TSPAN18: variants seen among roughly 807,000 people sequenced by gnomAD.
TSPAN18 encodes the protein tetraspanin 18, also known as tetraspanin-18.
TSPAN18 carries 14 observed loss-of-function variants against 27.3 expected under a neutral mutation model. The ratio of observed to expected loss-of-function variants is 0.51; its 90% CI spans 0.34 to 0.80. The LOEUF (loss-of-function observed/expected upper bound fraction) is 0.80, where lower values mean the gene tolerates loss of function less well. Ranked by LOEUF, TSPAN18 falls within the 30% of genes least tolerant of loss-of-function variation. The pLI, the probability that TSPAN18 is intolerant of heterozygous loss-of-function variation, is 0.01. For missense variants in TSPAN18, 268 were observed against 323.9 expected, an observed-to-expected ratio of 0.83 and a Z score of 1.32; for synonymous variants, 143 against 136.5, an observed-to-expected ratio of 1.05 and a Z score of -0.33.
intron 1 of TSPAN18, among the ~76,000 whole-genome samples, chr11:44,758,143 G>A (rs987343415): frequency 6.6e-6 from 1 of 152,164 alleles, no homozygotes; most frequent in African/African-American, 2.4e-5. Context: ...TAGAAGAAAA[G>A]CTTTCAGTCT....
intron 2 of TSPAN18, among the ~76,000 whole-genome samples, chr11:44,831,649 A>G (rs1016564619): frequency 6.6e-6 from 1 of 152,118 alleles, no homozygotes; most frequent in Non-Finnish European, 1.5e-5. Flanking sequence ...TTTATTCACA[A>G]ATCTAGGTTG....
chr11:44,908,744 A>AAG (rs56785088), intron 4 of TSPAN18, among the ~76,000 whole-genome samples: 1,061 of 90,522 alleles, frequency 0.012, 128 homozygotes, highest in Non-Finnish European at 0.016. Flanking sequence ...AAAAGAAAGA[A>AAG]AGAGAGAGAG....
At position 44,748,687 on chromosome 11, in the gene TSPAN18, C is replaced by T. The variant is rs542814431; in HGVS notation, c.-239-15739C>T. Among the ~76,000 whole-genome samples the T allele has an allele frequency of 5.3e-5, 8 of 152,258 alleles. No homozygotes were observed. The East Asian group carries it at 1.4e-3, about 26-fold the overall frequency. On this transcript the variant is annotated intron_variant, in intron 1 of 9. Coordinates refer to ENST00000520358, the MANE Select transcript of TSPAN18 (RefSeq NM_130783.5). Reference sequence around the variant, plus strand: ...TAGAGAAGCCACAGTGTCATAGCACCGCACTTTTATTCTTCTCATTTCCTC... The same window carrying T: ...TAGAGAAGCCACAGTGTCATAGCACTGCACTTTTATTCTTCTCATTTCCTC...
At chr11:44,798,949 G>C (rs1856412400) in intron 2 of TSPAN18, among the ~76,000 whole-genome samples, 1 of 152,130 alleles carries the variant, frequency 6.6e-6, no homozygotes, top group African/African-American at 2.4e-5. Flanking sequence ...ACCCAGGGCA[G>C]TGAAGCTTCA....
intron 2 of TSPAN18, among the ~76,000 whole-genome samples, chr11:44,792,106 TATAA>T (rs1856239542): frequency 1.3e-5 from 2 of 152,352 alleles, no homozygotes; most frequent in African/African-American, 4.8e-5. Context: ...TTGTATGTTA[TATAA>T]ATATTATATA....
intron 1 of TSPAN18, among the ~76,000 whole-genome samples, chr11:44,748,931 G>A (rs1269133281): frequency 6.6e-6 from 1 of 152,172 alleles, no homozygotes; most frequent in Non-Finnish European, 1.5e-5. Flanking sequence ...TGTGTGTACC[G>A]CCCTGTTGAA....
intron 3 of TSPAN18, among the ~76,000 whole-genome samples, chr11:44,870,786 T>G (rs1262379233): frequency 6.6e-6 from 1 of 152,208 alleles, no homozygotes; most frequent in Non-Finnish European, 1.5e-5. Context: ...GTTTAACACC[T>G]GCACCACATT....
intron 2 of TSPAN18, among the ~76,000 whole-genome samples, chr11:44,840,076 A>G (rs751710409): frequency 5.9e-5 from 9 of 152,338 alleles, no homozygotes; most frequent in Middle Eastern, 3.4e-3. Context: ...CGCAAAACCA[A>G]TGTGCTGCCT....
chr11:44,926,502 C>T, intron 8 of TSPAN18, 172 bp from the exon 9 acceptor site: 1 of 647,770 alleles, frequency 1.5e-6, no homozygotes, highest in Non-Finnish European at 2.8e-6. Flanking sequence ...TGCCAAGTCG[C>T]TGTTTCTGGG....
At chr11:44,862,482 ACCC>A (rs1857923704) in intron 3 of TSPAN18, among the ~76,000 whole-genome samples, 1 of 152,036 alleles carries the variant, frequency 6.6e-6, no homozygotes, top group Non-Finnish European at 1.5e-5. Context: ...GCTCAGCACC[ACCC>A]TGCCTTATAT....
chr11:44,892,927 G>A (rs149406494), intron 3 of TSPAN18, among the ~76,000 whole-genome samples: 15 of 152,320 alleles, frequency 9.8e-5, no homozygotes, highest in African/African-American at 2.6e-4. Context: ...AGTTACCTAC[G>A]TGCAGGTGTA....
rs940553884 is a variant in TSPAN18, at chr11:44,929,750, G to A, written c.*572G>A. The A allele has an allele frequency of 6.5e-6, 1 of 153,462 alleles. No individual in the cohort carries two copies. Among genetic ancestry groups the A allele is most frequent in the African/African-American group, 2.4e-5 (1 of 41,460 alleles). The allele number at this position is 153,462 out of a possible 1,614,324, so 9.5% of individuals were successfully genotyped here. A position where few individuals can be genotyped will look rare whatever the true frequency, so the allele number is the denominator to read the frequency against. On this transcript the variant is annotated 3_prime_UTR_variant, in exon 10 of 10. Coordinates refer to ENST00000520358, the MANE Select transcript of TSPAN18 (RefSeq NM_130783.5). The stretch of plus-strand genomic sequence containing the variant: ...ACGGCATCCAAGAATGGCCCAGCTG[G>A]TAGGATCCTTGCTTTCCCCATCTGT...
chr11:44,907,441 A>G (rs552959630), intron 4 of TSPAN18, among the ~76,000 whole-genome samples: 1 of 152,250 alleles, frequency 6.6e-6, no homozygotes, highest in Non-Finnish European at 1.5e-5. Flanking sequence ...CTCAGTGTCT[A>G]TCTTTCCCTC....
At chr11:44,790,505 G>T (rs918274507) in intron 2 of TSPAN18, among the ~76,000 whole-genome samples, 1 of 141,676 alleles carries the variant, frequency 7.1e-6, no homozygotes, top group East Asian at 2.1e-4. Flanking sequence ...GCATATGTTT[G>T]TGTGTGCATG....
At chr11:44,815,140 G>T (rs1165551577) in intron 2 of TSPAN18, among the ~76,000 whole-genome samples, 2 of 152,196 alleles carry the variant, frequency 1.3e-5, no homozygotes, top group Non-Finnish European at 2.9e-5. Flanking sequence ...GGCTCAGCAG[G>T]CAGGCAGCTA....
At chr11:44,860,554 G>A (rs973460276) in intron 3 of TSPAN18, 85 bp downstream of exon 3, 1 of 152,258 alleles carries the variant, frequency 6.6e-6, no homozygotes, top group East Asian at 1.9e-4. Context: ...ACCATCAGCA[G>A]GGCACCTGTC....
chr11:44,862,946 CA>C (rs547215675), intron 3 of TSPAN18, among the ~76,000 whole-genome samples: 2 of 152,142 alleles, frequency 1.3e-5, no homozygotes, highest in Non-Finnish European at 2.9e-5. Flanking sequence ...CTGGAGTGTG[CA>C]CCTGTTAATA....
At chr11:44,833,036 T>A (rs778494282) in intron 2 of TSPAN18, among the ~76,000 whole-genome samples, 1 of 152,056 alleles carries the variant, frequency 6.6e-6, no homozygotes, top group Non-Finnish European at 1.5e-5. Flanking sequence ...AAAGCTTCCA[T>A]GTTTGAAGAC....
intron 2 of TSPAN18, among the ~76,000 whole-genome samples, chr11:44,777,328 C>T (rs1465593474): frequency 1.3e-5 from 2 of 152,076 alleles, no homozygotes; most frequent in Non-Finnish European, 2.9e-5. Context: ...GGGAGGACAC[C>T]CTGCCAAGGT....
Sources: gnomAD v4.1 joint callset for allele counts (sites outside exome capture counted in the v4.1 genomes callset) on GRCh38, gnomAD v4.1.1 for gene constraint, MANE v1.5 for transcripts, NCBI Gene and HGNC (gene_info 2026-07-23, HGNC 2026-07-21) for gene names.